The following DCK variants were observed in gnomAD, a reference collection of about 807,000 sequenced individuals.
DCK encodes deoxyadenosine kinase.
Under a neutral mutation model 38.3 loss-of-function variants are expected in DCK, and 23 were observed. That is an observed-to-expected ratio of 0.60 (90% CI 0.43 to 0.85). The LOEUF is 0.85. Among genes scored for constraint, DCK ranks in the 40% least tolerant of loss-of-function variants. The pLI is 0.00. For synonymous variants in DCK, 108 were observed against 100.6 expected (o/e 1.07, Z -0.44); for missense variants, 259 against 304.4 (o/e 0.85, Z 1.11).
intron 2 of DCK, among the ~76,000 whole-genome samples, chr4:71,001,609 C>T (rs1052023244): frequency 6.6e-6 from 1 of 152,150 alleles, no homozygotes; most frequent in Admixed American, 6.5e-5. Flanking sequence ...GTGAATCCAT[C>T]TGGTCCTGGG....
intron 2 of DCK, among the ~76,000 whole-genome samples, chr4:71,015,046 A>T (rs1005151937): frequency 6.6e-6 from 1 of 152,210 alleles, no homozygotes; most frequent in Non-Finnish European, 1.5e-5. Flanking sequence ...AGAAGAAAAC[A>T]GAGAAGAATC....
intron 2 of DCK, among the ~76,000 whole-genome samples, chr4:71,007,458 C>G (rs552405552): frequency 6.6e-6 from 1 of 152,278 alleles, no homozygotes; most frequent in East Asian, 1.9e-4. Context: ...TTCTTTCCTA[C>G]GTTACTACTC....
intron 2 of DCK, among the ~76,000 whole-genome samples, chr4:71,013,807 GCCAAATTGTAAAGACCATCGAGGCTA>G (rs1740167854): frequency 6.6e-6 from 1 of 152,158 alleles, no homozygotes; most frequent in African/African-American, 2.4e-5. Flanking sequence ...GCAAAAACAT[GCCAAATTGTAAAGACCATCGAGGCTA>G]GGAGGAAACT....
Position 71,030,832 on chromosome 4 carries a change from TA to T in DCK, c.*1459del, listed in dbSNP as rs1740674467. 1 of 151,908 alleles carries T rather than the reference TA, an allele frequency of 6.6e-6. No individual in the cohort carries two copies. The highest frequency in any genetic ancestry group is 2.4e-5 in the African/African-American group (1 of 41,200). The allele number at this position is 151,908 out of a possible 1,614,324, so 9.4% of individuals were successfully genotyped here. Reference sequence around the variant, plus strand: ...TATTTCAGTGATTTTTAGTAACCTTTAAAAATGTATAATGACTTTTAAAATT... The same window carrying T: ...TATTTCAGTGATTTTTAGTAACCTTTAAAATGTATAATGACTTTTAAAATT... On this transcript the variant is annotated 3_prime_UTR_variant, in exon 7 of 7. Transcript: ENST00000286648.
intron 1 of DCK, 119 bp downstream of exon 1, chr4:70,994,045 T>C: frequency 2.6e-6 from 2 of 774,806 alleles, no homozygotes; most frequent in South Asian, 1.5e-5. Flanking sequence ...AGCCTGGCGG[T>C]GTGGACGCGG....
rs543273098 is a variant in DCK, at chr4:71,015,399, T to C, written c.208-6968T>C. Among the ~76,000 whole-genome samples, 19 of 152,220 alleles carry C rather than the reference T, an allele frequency of 1.2e-4. No individual in the cohort carries two copies. The East Asian group carries it at 2.9e-3, about 23-fold the overall frequency. ...TTCCTTCTGAAACTATTCCAATCAA[T>C]AGAAAAAGAGGGAATCCTCCCTAAC... On this transcript the variant is annotated intron_variant, in intron 2 of 6. Coordinates refer to ENST00000286648, the MANE Select transcript of DCK (RefSeq NM_000788.3).
chr4:71,006,109 A>G (rs1363614103), intron 2 of DCK, among the ~76,000 whole-genome samples: 3 of 118,844 alleles, frequency 2.5e-5, no homozygotes, highest in Non-Finnish European at 5.1e-5. Context: ...TCAAAAAAAA[A>G]AAAAACAGAA....
intron 2 of DCK, among the ~76,000 whole-genome samples, chr4:71,009,719 G>A (rs1740037947): frequency 6.6e-6 from 1 of 152,038 alleles, no homozygotes; most frequent in Non-Finnish European, 1.5e-5. Context: ...CAGCTTTTTT[G>A]TGTGTATTGG....
Position 71,025,858 on chromosome 4 carries a change from C to G in DCK, c.592C>G (p.Gln198Glu). Residue 198 changes from glutamine to glutamate, a missense_variant, in exon 5 of 7, where the codon CAA becomes GAA. Gln to Glu is a conservative substitution (Grantham distance 29, BLOSUM62 2). This residue lies in a region of DCK where 82 missense variants were observed against 103.8 expected (regional missense o/e 0.79). Transcript: ENST00000286648. Reference sequence around the variant, plus strand: ...ATATTTACGGGGAAGAAATGAAGAGCAAGGCATTCCTCTTGAATATTTAGA... The same window carrying G: ...ATATTTACGGGGAAGAAATGAAGAGGAAGGCATTCCTCTTGAATATTTAGA... ...RIYLRGRNEE[Q>E]GIPLEYLEKL... 1 of 1,611,272 alleles carries G rather than the reference C, an allele frequency of 6.2e-7. No individual in the cohort carries two copies.
chr4:71,021,280 T>G (rs60861707), intron 2 of DCK, among the ~76,000 whole-genome samples: 122,055 of 151,030 alleles, frequency 0.81, 53,932 homozygotes, highest in Non-Finnish European at 0.97. Flanking sequence ...TTTCACCTTG[T>G]TAGCCAGGAT....
chr4:71,006,682 C>T (rs1010085163), intron 2 of DCK, among the ~76,000 whole-genome samples: 1 of 152,040 alleles, frequency 6.6e-6, no homozygotes, highest in Non-Finnish European at 1.5e-5. Context: ...GTAGCCTGCA[C>T]TTGGGGTTAC....
intron 1 of DCK, among the ~76,000 whole-genome samples, chr4:70,996,291 AGTTT>A (rs1330934321): frequency 8.6e-5 from 13 of 151,692 alleles, no homozygotes; most frequent in African/African-American, 3.1e-4. Flanking sequence ...TGAGACCTAT[AGTTT>A]GAGGCTGCCG....
chr4:71,003,426 T>C (rs1361735698), intron 2 of DCK, among the ~76,000 whole-genome samples: 1 of 152,216 alleles, frequency 6.6e-6, no homozygotes, highest in African/African-American at 2.4e-5. Context: ...AATCTGACGA[T>C]TATGTGTCTT....
At chr4:71,007,769 G>T (rs566025326) in intron 2 of DCK, among the ~76,000 whole-genome samples, 1 of 152,298 alleles carries the variant, frequency 6.6e-6, no homozygotes, top group Admixed American at 6.5e-5. Flanking sequence ...CAGGTAAAGT[G>T]CAGTGGCGCA....
chr4:71,006,933 G>T (rs572677637), intron 2 of DCK, among the ~76,000 whole-genome samples: 34 of 152,280 alleles, frequency 2.2e-4, no homozygotes, highest in South Asian at 1.5e-3. Flanking sequence ...TTAGCTGTTG[G>T]TATAAGGAAT....
chr4:71,018,055 T>A (rs1335450591), intron 2 of DCK, among the ~76,000 whole-genome samples: 2 of 152,098 alleles, frequency 1.3e-5, no homozygotes, highest in Non-Finnish European at 2.9e-5. Context: ...CTAATAATAG[T>A]GGAATGATAA....
At chr4:71,019,973 A>C (rs1740371871) in intron 2 of DCK, among the ~76,000 whole-genome samples, 1 of 152,128 alleles carries the variant, frequency 6.6e-6, no homozygotes, top group African/African-American at 2.4e-5. Flanking sequence ...TTTTTGGTAG[A>C]GACAGGGTTT....
intron 2 of DCK, among the ~76,000 whole-genome samples, chr4:71,004,732 A>G (rs1286468482): frequency 6.6e-6 from 1 of 152,174 alleles, no homozygotes; most frequent in African/African-American, 2.4e-5. Flanking sequence ...CCCAGCTTGA[A>G]CTTCCAGGTG....
At chr4:71,008,168 G>A (rs1351472882) in intron 2 of DCK, among the ~76,000 whole-genome samples, 2 of 152,172 alleles carry the variant, frequency 1.3e-5, no homozygotes, top group African/African-American at 4.8e-5. Context: ...AAAAGTTTCT[G>A]TAGGAATAAG....
Sources: allele counts gnomAD v4.1 joint callset (sites outside exome capture counted in the v4.1 genomes callset), GRCh38; gene constraint gnomAD v4.1.1; regional missense constraint gnomAD v4.1.1; transcripts MANE v1.5; gene names NCBI Gene and HGNC (gene_info 2026-07-23, HGNC 2026-07-21).